DOCK1: variants seen among roughly 807,000 people sequenced by gnomAD.
DOCK1 encodes dedicator of cytokinesis protein 1.
DOCK1 carries 138 observed loss-of-function variants against 262.7 expected under a neutral mutation model. The ratio of observed to expected loss-of-function variants is 0.53; its 90% CI spans 0.46 to 0.61. The LOEUF (loss-of-function observed/expected upper bound fraction) is 0.61, where lower values mean the gene tolerates loss of function less well. Ranked by LOEUF, DOCK1 falls within the 20% of genes least tolerant of loss-of-function variation. The pLI is 0.00. For synonymous variants in DOCK1, 866 were observed against 867.4 expected (o/e 1.00, Z 0.03); for missense variants, 1,908 against 2,370.7 (o/e 0.80, Z 4.05).
At chr10:127,135,026 A>T (rs1374035936) in intron 27 of DOCK1, among the ~76,000 whole-genome samples, 2 of 152,182 alleles carry the variant, frequency 1.3e-5, no homozygotes, top group African/African-American at 4.8e-5. Context: ...TCAATGGAAG[A>T]TCTAGAGAGA....
chr10:126,985,807 C>G (rs1565032657), intron 4 of DOCK1, among the ~76,000 whole-genome samples: 1 of 152,132 alleles, frequency 6.6e-6, no homozygotes, highest in Non-Finnish European at 1.5e-5. Flanking sequence ...TAGTCATGTT[C>G]TTCAGTAGAC....
At chr10:126,946,845 C>A (rs1259565359) in intron 1 of DOCK1, among the ~76,000 whole-genome samples, 1 of 152,210 alleles carries the variant, frequency 6.6e-6, no homozygotes, top group Non-Finnish European at 1.5e-5. Flanking sequence ...TTCTTCCCAG[C>A]ATTTGACTGT....
intron 27 of DOCK1, among the ~76,000 whole-genome samples, chr10:127,240,427 C>T (rs2059223891): frequency 6.6e-6 from 1 of 152,020 alleles, no homozygotes; most frequent in African/African-American, 2.4e-5. Context: ...GGAACAATTT[C>T]ACCATGGGTT....
chr10:127,254,515 C>T (rs2059765317), intron 28 of DOCK1, among the ~76,000 whole-genome samples: 1 of 152,184 alleles, frequency 6.6e-6, no homozygotes, highest in African/African-American at 2.4e-5. Flanking sequence ...CATGCTGACC[C>T]ACTACTGGCG....
chr10:127,352,004 G>T (rs1048523660), intron 31 of DOCK1, among the ~76,000 whole-genome samples: 1 of 151,400 alleles, frequency 6.6e-6, no homozygotes, highest in South Asian at 2.1e-4. Flanking sequence ...CTGAGGGGTG[G>T]GCTCTTGTAT....
rs142815088 is a variant in DOCK1, at chr10:127,090,746, A to C, written c.2446-15485A>C. Among the ~76,000 whole-genome samples the C allele has an allele frequency of 2.3e-3, 357 of 152,268 alleles. 1 individual carries two copies. Among genetic ancestry groups the C allele is most frequent in the Non-Finnish European group, 3.6e-3 (244 of 68,038 alleles). ...GCGTATTTCATATAAATGGCACTATAGAATATGTGGCTTTTTTTGGTATAT... is the reference window on the plus strand; with the variant it reads ...GCGTATTTCATATAAATGGCACTATCGAATATGTGGCTTTTTTTGGTATAT... On this transcript the variant is annotated intron_variant, in intron 23 of 51. Transcript: ENST00000623213.
intron 40 of DOCK1, among the ~76,000 whole-genome samples, chr10:127,408,411 G>A (rs567398282): frequency 1.3e-4 from 20 of 152,160 alleles, no homozygotes; most frequent in Non-Finnish European, 2.5e-4. Context: ...CCTGCTCTCC[G>A]TCCATCGCCA....
chr10:127,257,621 A>G (rs1355840923), intron 29 of DOCK1, 192 bp downstream of exon 29: 1 of 452,364 alleles, frequency 2.2e-6, no homozygotes, highest in Admixed American at 3.3e-5. Context: ...ATGACAACAC[A>G]GGGCTCTGGC....
At chr10:127,178,602 C>T (rs565020829) in intron 27 of DOCK1, among the ~76,000 whole-genome samples, 2 of 152,268 alleles carry the variant, frequency 1.3e-5, no homozygotes, top group African/African-American at 4.8e-5. Flanking sequence ...TATAGTGTGT[C>T]CTGAAAGGTG....
intron 27 of DOCK1, chr10:127,196,089 C>A (rs1336394017): frequency 6.6e-6 from 1 of 152,142 alleles, no homozygotes; most frequent in Non-Finnish European, 1.5e-5. Context: ...CGGCACGGAG[C>A]ACTCCGGACA....
At chr10:127,252,770 T>G (rs372555042) in intron 28 of DOCK1, among the ~76,000 whole-genome samples, 3 of 152,022 alleles carry the variant, frequency 2.0e-5, no homozygotes, top group African/African-American at 7.2e-5. Flanking sequence ...ACCAGTACCA[T>G]GCTGTTTTGG....
intron 4 of DOCK1, among the ~76,000 whole-genome samples, chr10:126,987,285 G>A (rs149442467): frequency 5.3e-5 from 8 of 152,190 alleles, no homozygotes; most frequent in African/African-American, 1.4e-4. Flanking sequence ...TTTGACGTAT[G>A]AGGTGGATGG....
chr10:127,125,497 A>G lies in DOCK1; in HGVS notation c.2647A>G (p.Met883Val), dbSNP rs745935203. ...QHDCREILLP[M>V]MTDQLKYHLE... ...AGACTGCAGAGAGATCCTGCTTCCC[A>G]TGATGACCGATCAGCTCAAGTACCA... The change falls in exon 26 of 52, where the codon ATG becomes GTG. Residue 883 changes from methionine to valine, a missense_variant. By Grantham distance (21) the Met-to-Val change is conservative (BLOSUM62 1). Transcript: ENST00000623213. 2.5e-6 allele frequency: 4 copies of G among 1,613,626 alleles called. No homozygotes were observed. Among genetic ancestry groups the G allele is most frequent in the Admixed American group, 3.3e-5 (2 of 60,010 alleles).
At chr10:126,918,923 G>T (rs1418261917) in intron 1 of DOCK1, among the ~76,000 whole-genome samples, 2 of 150,208 alleles carry the variant, frequency 1.3e-5, no homozygotes, top group African/African-American at 4.9e-5. Context: ...CGGAGGATTT[G>T]GAGGAGGAGA....
Position 127,032,414 on chromosome 10 carries a change from G to T in DOCK1, c.1912+94G>T, listed in dbSNP as rs994521667. 3.0e-6 allele frequency: 4 copies of T among 1,312,744 alleles called. No homozygotes were observed. In the Admixed American group the frequency reaches 9.9e-5, roughly 32 times the overall value. The allele number at this position is 1,312,744 out of a possible 1,614,324, so 81.3% of individuals were successfully genotyped here. A position where few individuals can be genotyped will look rare whatever the true frequency, so the allele number is the denominator to read the frequency against. ...TCCTATGTGGAGGTGTGCTCCGTAGGTGCATGAACGTCACCCATAAGGCAT... is the reference window on the plus strand; with the variant it reads ...TCCTATGTGGAGGTGTGCTCCGTAGTTGCATGAACGTCACCCATAAGGCAT... On this transcript the variant is annotated intron_variant, in intron 18 of 51. Coordinates refer to ENST00000623213, the MANE Select transcript of DOCK1 (RefSeq NM_001290223.2).
chr10:127,012,244 C>T lies in DOCK1; in HGVS notation c.1071C>T (p.Asp357=), dbSNP rs374485488. 2.4e-5 allele frequency: 38 copies of T among 1,598,054 alleles called. No homozygotes were observed. In the Middle Eastern group the frequency reaches 5.0e-4, roughly 21 times the overall value. ...CCGTGCCCTCCAGGCTCGCGTTGGA[C>T]GACGCCATTCGACACAAGCCGCTGA... ...HFIPFQPLAL[D]DAIRHKPLNM... The change falls in exon 12 of 52, where the codon GAC becomes GAT. Residue 357 remains aspartate, a synonymous_variant. Coordinates refer to ENST00000623213, the MANE Select transcript of DOCK1 (RefSeq NM_001290223.2). This position sits in a 1 kb window ranked among gnomAD's most constrained non-coding sequence, Gnocchi z 4.0.
At chr10:127,421,054 C>T (rs1007670167) in intron 46 of DOCK1, among the ~76,000 whole-genome samples, 12 of 151,932 alleles carry the variant, frequency 7.9e-5, no homozygotes, top group Non-Finnish European at 1.5e-4. Context: ...GTAGCTGGGA[C>T]TGCAAGTGTG....
At position 127,106,279 on chromosome 10, in the gene DOCK1, G is replaced by C; in HGVS notation, c.2494G>C (p.Val832Leu). 1 of 1,597,984 alleles carries C rather than the reference G, an allele frequency of 6.3e-7. No homozygotes were observed. Among genetic ancestry groups the C allele is most frequent in the Non-Finnish European group, 8.5e-7 (1 of 1,171,264 alleles). Reference protein sequence around the residue: ...LPTIVNDVKLVFDPKELSKMF... With the variant: ...LPTIVNDVKLLFDPKELSKMF... ...AACGATCGTCAACGATGTGAAATTGGTGTTTGATCCCAAAGAGCTCAGGTA... is the reference window on the plus strand; with the variant it reads ...AACGATCGTCAACGATGTGAAATTGCTGTTTGATCCCAAAGAGCTCAGGTA... Residue 832 changes from valine (V) to leucine (L), a missense_variant, in exon 24 of 52, where the codon GTG becomes CTG. Val to Leu is a conservative substitution (Grantham distance 32). Coordinates refer to ENST00000623213, the MANE Select transcript of DOCK1 (RefSeq NM_001290223.2).
In DOCK1 at chr10:127,073,046, G is replaced by A. The variant is rs1168302893; in HGVS notation, c.2445+11270G>A. 4.6e-5 allele frequency among the ~76,000 whole-genome samples: 7 copies of A among 152,180 alleles called. No individual in the cohort carries two copies. The East Asian group carries it at 7.7e-4, about 17-fold the overall frequency. Reference sequence around the variant, plus strand: ...AAACGCTCATCTGCACTTCACTTACGATGTGGCATTTATAAATGCATTCAC... The same window carrying A: ...AAACGCTCATCTGCACTTCACTTACAATGTGGCATTTATAAATGCATTCAC... On this transcript the variant is annotated intron_variant, in intron 23 of 51. Transcript: ENST00000623213.
Sources: gnomAD v4.1 joint callset for allele counts (sites outside exome capture counted in the v4.1 genomes callset) on GRCh38, gnomAD v4.1.1 for gene constraint, Gnocchi (gnomAD v3.1) non-coding constraint, MANE v1.5 for transcripts, NCBI Gene and HGNC (gene_info 2026-07-23, HGNC 2026-07-21) for gene names.